Variants in LRRC4C observed in about 807,000 individuals in gnomAD.
LRRC4C encodes the protein leucine rich repeat containing 4C.
Under a neutral mutation model 33.6 loss-of-function variants are expected in LRRC4C, and 5 were observed. The observed-to-expected ratio is 0.15, with a 90% confidence interval of 0.08 to 0.31. The LOEUF is 0.31. LRRC4C is among the 10% of genes least tolerant of loss of function. The pLI is 1.00. For synonymous variants in LRRC4C, 329 were observed against 302.0 expected (o/e 1.09, Z -0.93); for missense variants, 560 against 796.7 (o/e 0.70, Z 3.58).
chr11:40,352,637 T>C (rs1259143638), intron 3 of LRRC4C, among the ~76,000 whole-genome samples: 1 of 120,700 alleles, frequency 8.3e-6, no homozygotes, highest in Non-Finnish European at 1.9e-5. Flanking sequence ...TACAGTGTTA[T>C]AATATTCTGT....
In LRRC4C at chr11:40,994,015, ACTTTCGG is replaced by A. The variant is rs754623781; in HGVS notation, c.-495-60299_-495-60293del. ...GAACTGGATGGGGCATACTACTGTT[ACTTTCGG>A]CTCCTTTTTGCTCTGACCCATTGGA... On this transcript the variant is annotated intron_variant, in intron 1 of 6. Transcript: ENST00000528697. Among the ~76,000 whole-genome samples, 17 of 150,936 alleles carry A rather than the reference ACTTTCGG, an allele frequency of 1.1e-4. No individual in the cohort carries two copies. In the East Asian group the frequency reaches 2.2e-3, roughly 19 times the overall value.
intron 4 of LRRC4C, among the ~76,000 whole-genome samples, chr11:40,246,196 ACTC>A (rs1866323544): frequency 6.6e-6 from 1 of 151,572 alleles, no homozygotes; most frequent in African/African-American, 2.4e-5. Context: ...CTGGTCTTGA[ACTC>A]CTGAAATCAG....
At position 41,149,510 on chromosome 11, in the gene LRRC4C, CAA is replaced by C. The variant is rs57914595; in HGVS notation, c.-495-215789_-495-215788del. The stretch of plus-strand genomic sequence containing the variant: ...GGGCGACAGAGCGAGACTCCGTCTC[CAA>C]AAAAAAAAAAAAAAAAAAAAAGAAG... On this transcript the variant is annotated intron_variant, in intron 1 of 6. Coordinates refer to ENST00000528697, the MANE Select transcript of LRRC4C (RefSeq NM_001258419.2). Among the ~76,000 whole-genome samples the C allele has an allele frequency of 1.3e-3, 73 of 55,512 alleles. 1 individual carries two copies. The highest frequency in any genetic ancestry group is 4.0e-3 in the Admixed American group (21 of 5,246). 36.4% of individuals were successfully genotyped at this position (55,512 alleles called of 152,430 possible). A position where few individuals can be genotyped will look rare whatever the true frequency, so the allele number is the denominator to read the frequency against.
chr11:40,129,680 C>T (rs1173667062), intron 6 of LRRC4C, among the ~76,000 whole-genome samples: 3 of 152,112 alleles, frequency 2.0e-5, no homozygotes, highest in Non-Finnish European at 4.4e-5. Context: ...AATGGAGGGG[C>T]TTCTTGACCA....
intron 1 of LRRC4C, among the ~76,000 whole-genome samples, chr11:41,350,509 C>CAAAAAAAAAAAAAA (rs71063914): frequency 1.9e-5 from 2 of 106,470 alleles, no homozygotes; most frequent in Non-Finnish European, 3.8e-5. Context: ...GACTCCATCT[C>CAAAAAAAAAAAAAA]AAAAAAAAAA....
At chr11:40,576,688 C>T (rs997818013) in intron 3 of LRRC4C, among the ~76,000 whole-genome samples, 2 of 152,068 alleles carry the variant, frequency 1.3e-5, no homozygotes, top group East Asian at 3.9e-4. Context: ...ATTCTTATTC[C>T]CTTCATAGTT....
At chr11:40,330,400 G>A (rs1209413179) in intron 3 of LRRC4C, among the ~76,000 whole-genome samples, 1 of 152,168 alleles carries the variant, frequency 6.6e-6, no homozygotes, top group African/African-American at 2.4e-5. Flanking sequence ...TGTATACAAT[G>A]TGTAATGATC....
chr11:40,181,828 G>A (rs1861028699), intron 5 of LRRC4C, among the ~76,000 whole-genome samples: 1 of 152,142 alleles, frequency 6.6e-6, no homozygotes, highest in Non-Finnish European at 1.5e-5. Flanking sequence ...TGCCCATCAG[G>A]GCCAGAGCTG....
chr11:40,877,212 T>C (rs921981878), intron 2 of LRRC4C, among the ~76,000 whole-genome samples: 5 of 152,030 alleles, frequency 3.3e-5, no homozygotes, highest in Admixed American at 6.5e-5. Flanking sequence ...TTGACCCAAG[T>C]AGTCAAACCA....
chr11:41,327,743 T>A (rs113648639), intron 1 of LRRC4C, among the ~76,000 whole-genome samples: 1 of 152,260 alleles, frequency 6.6e-6, no homozygotes, highest in African/African-American at 2.4e-5. Flanking sequence ...CTCGTGCTGT[T>A]CTCATGAAAG....
chr11:40,847,992 G>A (rs951258463), intron 2 of LRRC4C, among the ~76,000 whole-genome samples: 1 of 151,952 alleles, frequency 6.6e-6, no homozygotes, highest in Non-Finnish European at 1.5e-5. Context: ...TGAGGGATCA[G>A]TGGTGATATC....
At chr11:40,436,128 A>G (rs1951128785) in intron 3 of LRRC4C, among the ~76,000 whole-genome samples, 1 of 152,216 alleles carries the variant, frequency 6.6e-6, no homozygotes, top group Non-Finnish European at 1.5e-5. Flanking sequence ...TCATAATCAC[A>G]TCCACACTTT....
rs190049203 is a variant in LRRC4C at position 40,736,915 on chromosome 11, A to G, written c.-406-88637T>C. On this transcript the variant is annotated intron_variant, in intron 2 of 6. Transcript: ENST00000528697. ...TTCTTTGTATATTCTGGATATTAGCATGTTGTAGATTCTGGATATTAGATG... is the reference window on the plus strand; with the variant it reads ...TTCTTTGTATATTCTGGATATTAGCGTGTTGTAGATTCTGGATATTAGATG... 3.0e-4 allele frequency among the ~76,000 whole-genome samples: 44 copies of G among 148,434 alleles called. 1 individual carries two copies. The East Asian group carries it at 7.4e-3, about 25-fold the overall frequency.
intron 3 of LRRC4C, among the ~76,000 whole-genome samples, chr11:40,565,332 G>A (rs2135530649): frequency 6.6e-6 from 1 of 152,208 alleles, no homozygotes; most frequent in Middle Eastern, 3.4e-3. Context: ...AAAAAAGCTG[G>A]TATAAGTAAT....
chr11:41,149,391 C>T (rs1018636638), intron 1 of LRRC4C, among the ~76,000 whole-genome samples: 1 of 151,592 alleles, frequency 6.6e-6, no homozygotes, highest in African/African-American at 2.4e-5. Context: ...CCTGTAGTCC[C>T]AGCTACTTGG....
At chr11:41,177,802 C>T (rs936848840) in intron 1 of LRRC4C, among the ~76,000 whole-genome samples, 2 of 152,194 alleles carry the variant, frequency 1.3e-5, no homozygotes, top group African/African-American at 2.4e-5. Context: ...TAGGCAATCA[C>T]ATCGCCCACT....
chr11:40,831,596 A>G (rs185164852), intron 2 of LRRC4C, among the ~76,000 whole-genome samples: 3 of 152,182 alleles, frequency 2.0e-5, no homozygotes, highest in African/African-American at 4.8e-5. Flanking sequence ...GTTCATTTTC[A>G]TACTGCTATG....
intron 1 of LRRC4C, among the ~76,000 whole-genome samples, chr11:41,326,651 A>C (rs890503920): frequency 6.6e-6 from 1 of 152,164 alleles, no homozygotes; most frequent in Admixed American, 6.5e-5. Context: ...TGTTTTTCCA[A>C]ACAAAATTGG....
intron 3 of LRRC4C, among the ~76,000 whole-genome samples, chr11:40,458,741 C>T (rs1424399039): frequency 3.3e-5 from 5 of 152,158 alleles, no homozygotes; most frequent in African/African-American, 7.2e-5. Flanking sequence ...TTTCAAATCA[C>T]TTTGGAAATC....
Sources: allele counts gnomAD v4.1 joint callset (sites outside exome capture counted in the v4.1 genomes callset), GRCh38; gene constraint gnomAD v4.1.1; transcripts MANE v1.5; gene names NCBI Gene and HGNC (gene_info 2026-07-23, HGNC 2026-07-21).